Variants in MCTP1 observed in about 807,000 individuals in gnomAD.
The protein encoded by MCTP1 is multiple C2 and transmembrane domain containing 1.
MCTP1 carries 69 observed loss-of-function variants against 120.6 expected under a neutral mutation model. That is an observed-to-expected ratio of 0.57 (90% CI 0.47 to 0.70). The LOEUF is 0.70. Ranked by LOEUF, MCTP1 falls within the 30% of genes least tolerant of loss-of-function variation. The probability of loss-of-function intolerance (pLI) is 0.00; values close to 1 mark genes in which losing one functional copy is unlikely to be tolerated. For synonymous variants in MCTP1, 529 were observed against 493.1 expected, an observed-to-expected ratio of 1.07 and a Z score of -0.96; for missense variants, 1,203 against 1,248.8, an observed-to-expected ratio of 0.96 and a Z score of 0.55.
chr5:94,865,211 A>G (rs1796576838), intron 17 of MCTP1, among the ~76,000 whole-genome samples: 1 of 151,786 alleles, frequency 6.6e-6, no homozygotes, highest in Admixed American at 6.6e-5. Flanking sequence ...AGGAAGCTGG[A>G]GCTGTCCTAA....
chr5:95,211,637 A>C (rs1752389378), intron 1 of MCTP1, among the ~76,000 whole-genome samples: 1 of 152,140 alleles, frequency 6.6e-6, no homozygotes, highest in African/African-American at 2.4e-5. Context: ...CCTGTAGCTC[A>C]GAGTAGTTTG....
At chr5:95,065,296 G>A (rs530607032) in intron 1 of MCTP1, among the ~76,000 whole-genome samples, 83 of 151,686 alleles carry the variant, frequency 5.5e-4, no homozygotes, top group African/African-American at 1.8e-3. Context: ...AATTTGACAT[G>A]AAGATTGCAA....
At chr5:95,044,700 C>A (rs529309368) in intron 1 of MCTP1, among the ~76,000 whole-genome samples, 49 of 152,032 alleles carry the variant, frequency 3.2e-4, no homozygotes, top group African/African-American at 1.1e-3. Flanking sequence ...TGCTCAGCAC[C>A]ATCTTCCTCT....
At chr5:94,764,326 T>G (rs1039066392) in intron 19 of MCTP1, among the ~76,000 whole-genome samples, 3 of 152,174 alleles carry the variant, frequency 2.0e-5, no homozygotes, top group African/African-American at 7.2e-5. Flanking sequence ...AGCTTCCCAT[T>G]GATAAGAACC....
chr5:94,814,384 G>A (rs923880362), intron 17 of MCTP1, among the ~76,000 whole-genome samples: 3 of 152,086 alleles, frequency 2.0e-5, no homozygotes, highest in East Asian at 1.9e-4. Context: ...AATGCTAGTC[G>A]ATGACACTAT....
chr5:94,760,566 A>G (rs1309020088), intron 19 of MCTP1, among the ~76,000 whole-genome samples: 17 of 152,238 alleles, frequency 1.1e-4, no homozygotes, highest in Non-Finnish European at 4.4e-5. Context: ...GCATTTATGC[A>G]CATAACATGC....
intron 2 of MCTP1, among the ~76,000 whole-genome samples, chr5:94,957,006 C>T (rs2153546213): frequency 6.6e-6 from 1 of 152,304 alleles, no homozygotes; most frequent in East Asian, 1.9e-4. Context: ...ATGTTAAGGG[C>T]AGCCAGAGAG....
At chr5:95,237,602 G>A (rs1312516734) in intron 1 of MCTP1, among the ~76,000 whole-genome samples, 1 of 152,180 alleles carries the variant, frequency 6.6e-6, no homozygotes, top group African/African-American at 2.4e-5. Flanking sequence ...GAAAGGGAGA[G>A]AAAGAGTCCA....
At chr5:94,757,831 T>A (rs1402091107) in intron 19 of MCTP1, among the ~76,000 whole-genome samples, 1 of 152,024 alleles carries the variant, frequency 6.6e-6, no homozygotes, top group Admixed American at 6.6e-5. Flanking sequence ...AACAGAGAGG[T>A]ACCCAAACAT....
Position 94,917,971 on chromosome 5 carries a change from C to A in MCTP1, c.1275G>T (p.Thr425=). Residue 425 remains threonine (T), a splice_region_variant and synonymous_variant, in exon 8 of 23, where the codon ACG becomes ACT. Transcript: ENST00000515393. The part of the protein sequence containing the change: ...YFSVKSLFWR[T]CGRPALPVLG... ...GGACAGGAAGAGCTGGCCTGCCGCA[C>A]GTCTGGATGGAAATGAATGATCAGA... 6.2e-7 allele frequency: 1 copy of A among 1,613,584 alleles called. No homozygotes were observed.
At chr5:94,931,229 T>C (rs1223662557) in intron 6 of MCTP1, 1 of 152,086 alleles carries the variant, frequency 6.6e-6, no homozygotes, top group Non-Finnish European at 1.5e-5. Context: ...AAATTAGTCA[T>C]TATTAAAAAG....
At chr5:95,062,509 T>C (rs1215147867) in intron 1 of MCTP1, among the ~76,000 whole-genome samples, 1 of 152,184 alleles carries the variant, frequency 6.6e-6, no homozygotes, top group Non-Finnish European at 1.5e-5. Flanking sequence ...CAGCTTCCTT[T>C]ATAGATGTGA....
intron 1 of MCTP1, among the ~76,000 whole-genome samples, chr5:95,112,132 C>T (rs1429410171): frequency 3.3e-5 from 5 of 152,062 alleles, no homozygotes; most frequent in Non-Finnish European, 7.4e-5. Flanking sequence ...CATGTCTAGA[C>T]GATAATACAG....
At chr5:95,064,858 T>C (rs1750180148) in intron 1 of MCTP1, among the ~76,000 whole-genome samples, 1 of 152,256 alleles carries the variant, frequency 6.6e-6, no homozygotes, top group Admixed American at 6.5e-5. Flanking sequence ...ATTTAGATGT[T>C]GATGAAGCTG....
chr5:94,988,026 A>G (rs539783327), intron 2 of MCTP1, among the ~76,000 whole-genome samples: 5 of 152,204 alleles, frequency 3.3e-5, no homozygotes, highest in South Asian at 4.1e-4. Context: ...CTCTTGCCAC[A>G]GTCACTCCAT....
At chr5:94,834,395 G>A (rs1348138930) in intron 17 of MCTP1, among the ~76,000 whole-genome samples, 1 of 152,132 alleles carries the variant, frequency 6.6e-6, no homozygotes, top group Non-Finnish European at 1.5e-5. Context: ...AGAATATCAA[G>A]ACACATATAT....
intron 17 of MCTP1, among the ~76,000 whole-genome samples, chr5:94,807,642 T>G (rs915089357): frequency 7.9e-5 from 12 of 152,152 alleles, no homozygotes; most frequent in Admixed American, 6.5e-4. Context: ...GAGCTGCCAC[T>G]TTCCTCCCTA....
At chr5:95,021,262 T>G (rs1057332079) in intron 1 of MCTP1, among the ~76,000 whole-genome samples, 2 of 152,092 alleles carry the variant, frequency 1.3e-5, no homozygotes, top group Non-Finnish European at 2.9e-5. Context: ...GTTTGTTATT[T>G]ACTACTGGGT....
chr5:95,107,439 T>C lies in MCTP1; in HGVS notation c.721-89955A>G, dbSNP rs114844918. Among the ~76,000 whole-genome samples, 841 of 152,324 alleles carry C rather than the reference T, an allele frequency of 5.5e-3. 7 individuals are homozygous for C. Among genetic ancestry groups the C allele is most frequent in the African/African-American group, 0.019 (806 of 41,568 alleles). Reference sequence around the variant, plus strand: ...TCATATTAGTATTATTCACCATTTATAAATAAAGTAACATTTTATTATAAA... The same window carrying C: ...TCATATTAGTATTATTCACCATTTACAAATAAAGTAACATTTTATTATAAA... On this transcript the variant is annotated intron_variant, in intron 1 of 22. Coordinates refer to ENST00000515393, the MANE Select transcript of MCTP1 (RefSeq NM_024717.7).
Sources: gnomAD v4.1 joint callset for allele counts (sites outside exome capture counted in the v4.1 genomes callset) on GRCh38, gnomAD v4.1.1 for gene constraint, MANE v1.5 for transcripts, NCBI Gene and HGNC (gene_info 2026-07-23, HGNC 2026-07-21) for gene names.